The following SHC3 variants were observed in gnomAD, a reference collection of about 807,000 sequenced individuals.
SHC3 encodes the protein SHC adaptor protein 3.
Under a neutral mutation model 60.4 loss-of-function variants are expected in SHC3, and 15 were observed. The observed-to-expected ratio is 0.25, with a 90% CI of 0.17 to 0.38. The LOEUF is 0.38. SHC3 is among the 10% of genes least tolerant of loss of function. SHC3 has a pLI of 1.00. For synonymous variants in SHC3, 294 were observed against 325.9 expected, an observed-to-expected ratio of 0.90 and a Z score of 1.05; for missense variants, 677 against 786.1, an observed-to-expected ratio of 0.86 and a Z score of 1.66.
chr9:89,105,828 A>G (rs1256985162), intron 2 of SHC3, among the ~76,000 whole-genome samples: 1 of 152,210 alleles, frequency 6.6e-6, no homozygotes, highest in Non-Finnish European at 1.5e-5. Context: ...CAATAACTTC[A>G]GTTTGTTGCA....
At position 89,100,875 on chromosome 9, in the gene SHC3, A is replaced by T. The variant is rs116089230; in HGVS notation, c.545+11681T>A. 2.5e-3 allele frequency among the ~76,000 whole-genome samples: 386 copies of T among 152,300 alleles called. 2 individuals carry two copies. The highest frequency in any genetic ancestry group is 8.8e-3 in the African/African-American group (366 of 41,564). The stretch of plus-strand genomic sequence containing the variant: ...TTCTTATGCTGATTCTACACTGTGA[A>T]TTCTCTTTGAACTGATTTTCAAAAT... On this transcript the variant is annotated intron_variant, in intron 2 of 11. Transcript: ENST00000375835.
chr9:89,097,899 T>G (rs1454729771), intron 2 of SHC3, among the ~76,000 whole-genome samples: 1 of 152,232 alleles, frequency 6.6e-6, no homozygotes, highest in Non-Finnish European at 1.5e-5. Flanking sequence ...TTATGATTGA[T>G]TCTAAAGGAA....
At chr9:89,153,912 C>G (rs1197858438) in intron 1 of SHC3, among the ~76,000 whole-genome samples, 1 of 152,224 alleles carries the variant, frequency 6.6e-6, no homozygotes, top group East Asian at 1.9e-4. Flanking sequence ...CTGCCAGGCA[C>G]TCCGCAGAGC....
intron 1 of SHC3, among the ~76,000 whole-genome samples, chr9:89,175,599 C>T (rs1826931007): frequency 6.6e-6 from 1 of 152,080 alleles, no homozygotes; most frequent in South Asian, 2.1e-4. Context: ...ATCTATAATA[C>T]AGTATATAAA....
chr9:89,069,889 A>G (rs989994926), intron 5 of SHC3, among the ~76,000 whole-genome samples: 1 of 152,260 alleles, frequency 6.6e-6, no homozygotes, highest in Admixed American at 6.5e-5. Flanking sequence ...TTTGGCTTCC[A>G]ATGTGCCAAC....
chr9:89,075,917 T>A (rs1246095082), intron 3 of SHC3, among the ~76,000 whole-genome samples: 3 of 152,192 alleles, frequency 2.0e-5, no homozygotes, highest in Non-Finnish European at 4.4e-5. Context: ...ACCTTCTTCC[T>A]AGGTACCTGG....
In SHC3 at chr9:89,079,473, T is replaced by C. The variant is rs563246243; in HGVS notation, c.546-1570A>G. On this transcript the variant is annotated intron_variant, in intron 2 of 11. Coordinates refer to ENST00000375835, the MANE Select transcript of SHC3 (RefSeq NM_016848.6). ...TATTACATGCTGAAGTGTCTCCCTT[T>C]AATCACTCCATAAATATTCCTGATA... Among the ~76,000 whole-genome samples the C allele has an allele frequency of 7.2e-5, 11 of 152,324 alleles. No individual in the cohort carries two copies. In the East Asian group the frequency reaches 1.7e-3, roughly 24 times the overall value.
intron 11 of SHC3, among the ~76,000 whole-genome samples, chr9:89,014,467 T>A (rs886365407): frequency 6.6e-6 from 1 of 152,144 alleles, no homozygotes; most frequent in Non-Finnish European, 1.5e-5. Context: ...AGCAGCCACC[T>A]GGCTAGGTCC....
chr9:89,065,665 C>T, intron 5 of SHC3, 85 bp from the exon 6 acceptor site: 1 of 1,311,506 alleles, frequency 7.6e-7, no homozygotes, highest in Middle Eastern at 1.9e-4. Context: ...AACCAGTGAG[C>T]TTAGAAGGAC....
intron 11 of SHC3, among the ~76,000 whole-genome samples, chr9:89,024,479 T>G (rs997566440): frequency 1.6e-4 from 24 of 152,196 alleles, no homozygotes; most frequent in African/African-American, 5.1e-4. Flanking sequence ...CTCAGTCCAG[T>G]GCAGTGACAA....
At chr9:89,141,541 G>A (rs145821429) in intron 1 of SHC3, among the ~76,000 whole-genome samples, 89 of 152,316 alleles carry the variant, frequency 5.8e-4, no homozygotes, top group African/African-American at 2.1e-3. Flanking sequence ...CAGCATGCCA[G>A]GCTTCTGGGT....
intron 2 of SHC3, chr9:89,109,114 G>A: frequency 1.0e-6 from 1 of 985,514 alleles, no homozygotes. Context: ...CCAGGTCCTG[G>A]GGATAGGAAA....
At chr9:89,083,625 G>A (rs189100107) in intron 2 of SHC3, among the ~76,000 whole-genome samples, 237 of 152,296 alleles carry the variant, frequency 1.6e-3, no homozygotes, top group Admixed American at 3.4e-3. Context: ...ATGTTGTGAC[G>A]GCCAGACTTG....
chr9:89,085,904 T>A (rs531114193), intron 2 of SHC3, among the ~76,000 whole-genome samples: 4 of 152,136 alleles, frequency 2.6e-5, no homozygotes, highest in Non-Finnish European at 5.9e-5. Flanking sequence ...ATCCTCAGGA[T>A]CCCACATTTC....
At chr9:89,136,121 C>G (rs2118180103) in intron 1 of SHC3, among the ~76,000 whole-genome samples, 1 of 152,178 alleles carries the variant, frequency 6.6e-6, no homozygotes, top group South Asian at 2.1e-4. Context: ...AGTAGTTAGG[C>G]AGGAATATCA....
At chr9:89,053,916 T>A (rs1040832508) in intron 6 of SHC3, among the ~76,000 whole-genome samples, 3 of 152,136 alleles carry the variant, frequency 2.0e-5, no homozygotes, top group African/African-American at 4.8e-5. Context: ...CCCTGACCTG[T>A]CCTGTGCCAC....
chr9:89,058,487 C>T (rs1824994775), intron 6 of SHC3, among the ~76,000 whole-genome samples: 1 of 126,864 alleles, frequency 7.9e-6, no homozygotes, highest in Admixed American at 8.2e-5. Flanking sequence ...TGATGGAGGA[C>T]AGTGGTGGAG....
At chr9:89,034,904 T>G (rs554180949) in intron 11 of SHC3, among the ~76,000 whole-genome samples, 3 of 152,332 alleles carry the variant, frequency 2.0e-5, no homozygotes, top group African/African-American at 7.2e-5. Context: ...TCCTTGGGAA[T>G]GTGTCTAGAC....
intron 11 of SHC3, among the ~76,000 whole-genome samples, chr9:89,032,985 A>C (rs948463898): frequency 6.7e-6 from 1 of 150,016 alleles, no homozygotes; most frequent in Non-Finnish European, 1.5e-5. Context: ...CCATAGGATC[A>C]ATTTAACTAA....
Sources: allele counts gnomAD v4.1 joint callset (sites outside exome capture counted in the v4.1 genomes callset), GRCh38; gene constraint gnomAD v4.1.1; transcripts MANE v1.5; gene names NCBI Gene and HGNC (gene_info 2026-07-23, HGNC 2026-07-21).